GNG12: variants seen among roughly 807,000 people sequenced by gnomAD.
GNG12 encodes the protein guanine nucleotide-binding protein G(I)/G(S)/G(O) subunit gamma-12.
For missense variants in GNG12, 69 were observed against 83.8 expected (o/e 0.82, Z 0.69); for synonymous variants, 28 against 29.7 (o/e 0.94, Z 0.19).
At chr1:67,756,747 G>A (rs908025202) in intron 2 of GNG12, among the ~76,000 whole-genome samples, 4 of 152,296 alleles carry the variant, frequency 2.6e-5, no homozygotes, top group African/African-American at 9.6e-5. Context: ...CTAGTTCAAG[G>A]GGTCATACCT....
In GNG12 at chr1:67,731,118, C is replaced by A. The variant is rs150011916; in HGVS notation, c.-26-23406G>T. On this transcript the variant is annotated intron_variant, in intron 2 of 3. Transcript: ENST00000370982. Reference sequence around the variant, plus strand: ...TTCCTATTTTGTTTTTATTTTTTCCCCCCAGAAAGCCCTCCCCTCTCTGAC... The same window carrying A: ...TTCCTATTTTGTTTTTATTTTTTCCACCCAGAAAGCCCTCCCCTCTCTGAC... 3.6e-3 allele frequency among the ~76,000 whole-genome samples: 552 copies of A among 152,020 alleles called. 1 individual carries two copies. The highest frequency in any genetic ancestry group is 6.3e-3 in the Non-Finnish European group (427 of 68,000).
chr1:67,796,777 C>A (rs1646833676), intron 1 of GNG12, among the ~76,000 whole-genome samples: 3 of 152,082 alleles, frequency 2.0e-5, no homozygotes, highest in South Asian at 4.1e-4. Flanking sequence ...TAAAGTAATA[C>A]TTGAGGCTGG....
chr1:67,823,746 C>T (rs1018218299), intron 1 of GNG12, among the ~76,000 whole-genome samples: 4 of 152,142 alleles, frequency 2.6e-5, no homozygotes, highest in African/African-American at 9.7e-5. Flanking sequence ...TCAATCTTTC[C>T]GGAGGGGTAC....
chr1:67,784,671 G>A (rs944651208), intron 1 of GNG12, among the ~76,000 whole-genome samples: 1 of 152,162 alleles, frequency 6.6e-6, no homozygotes, highest in African/African-American at 2.4e-5. Context: ...TTGTAAGTTT[G>A]AATAAGTTCT....
At chr1:67,751,375 T>C (rs1646538122) in intron 2 of GNG12, among the ~76,000 whole-genome samples, 3 of 152,182 alleles carry the variant, frequency 2.0e-5, no homozygotes, top group Non-Finnish European at 4.4e-5. Flanking sequence ...GGAGAATGTT[T>C]AATGGCACCT....
At chr1:67,795,659 A>G (rs1486133608) in intron 1 of GNG12, among the ~76,000 whole-genome samples, 1 of 152,220 alleles carries the variant, frequency 6.6e-6, no homozygotes, top group Non-Finnish European at 1.5e-5. Context: ...CTCTGGATAC[A>G]AGGTTTATAG....
chr1:67,709,355 G>A (rs896266024), intron 2 of GNG12, among the ~76,000 whole-genome samples: 5 of 152,098 alleles, frequency 3.3e-5, no homozygotes, highest in South Asian at 2.1e-4. Flanking sequence ...GAGCCTCAAG[G>A]GTTTTGATTG....
chr1:67,774,611 G>T (rs1436102829), intron 2 of GNG12, among the ~76,000 whole-genome samples: 3 of 151,980 alleles, frequency 2.0e-5, no homozygotes. Context: ...CCTTCCCTAC[G>T]CTCCATTCTC....
intron 2 of GNG12, among the ~76,000 whole-genome samples, chr1:67,736,766 A>T (rs749109916): frequency 6.6e-6 from 1 of 152,260 alleles, no homozygotes; most frequent in Admixed American, 6.5e-5. Flanking sequence ...ATTAAAACCT[A>T]GGGGAGTGGG....
At chr1:67,817,245 G>A (rs771874848) in intron 1 of GNG12, among the ~76,000 whole-genome samples, 38 of 152,148 alleles carry the variant, frequency 2.5e-4, no homozygotes, top group Non-Finnish European at 4.9e-4. Flanking sequence ...GGAGAGAAGA[G>A]GACAAGAAGG....
intron 1 of GNG12, among the ~76,000 whole-genome samples, chr1:67,807,448 T>A (rs1359047946): frequency 2.0e-5 from 3 of 149,360 alleles, no homozygotes; most frequent in East Asian, 2.0e-4. Context: ...AATAAAAAAA[T>A]TCAAATTAAA....
intron 2 of GNG12, among the ~76,000 whole-genome samples, chr1:67,709,912 TTATATA>T (rs771838180): frequency 1.8e-4 from 9 of 50,300 alleles, no homozygotes; most frequent in African/African-American, 6.7e-4. Context: ...TTTTATATAG[TTATATA>T]TATAGTTATA....
chr1:67,734,600 C>G (rs1646441389), intron 2 of GNG12, among the ~76,000 whole-genome samples: 1 of 152,122 alleles, frequency 6.6e-6, no homozygotes, highest in Non-Finnish European at 1.5e-5. Context: ...CTCCAAAGCC[C>G]TTGTATCTAG....
intron 1 of GNG12, among the ~76,000 whole-genome samples, chr1:67,784,066 C>A (rs1176399753): frequency 6.7e-6 from 1 of 149,800 alleles, no homozygotes; most frequent in African/African-American, 2.5e-5. Flanking sequence ...GGAACCAACC[C>A]AAATGTCCAA....
Position 67,711,895 on chromosome 1 carries a change from C to T in GNG12, c.-26-4183G>A, listed in dbSNP as rs142121420. Among the ~76,000 whole-genome samples, 284 of 152,346 alleles carry T rather than the reference C, an allele frequency of 1.9e-3. 1 individual carries two copies. Among genetic ancestry groups the T allele is most frequent in the African/African-American group, 6.6e-3 (273 of 41,576 alleles). ...AAAGGAAGATAATTTCTGATCATAACATTCTTCCTATGGAGAAAGCAGATC... is the reference window on the plus strand; with the variant it reads ...AAAGGAAGATAATTTCTGATCATAATATTCTTCCTATGGAGAAAGCAGATC... On this transcript the variant is annotated intron_variant, in intron 2 of 3. Transcript: ENST00000370982.
At chr1:67,830,441 C>T (rs1228134121) in intron 1 of GNG12, among the ~76,000 whole-genome samples, 1 of 152,202 alleles carries the variant, frequency 6.6e-6, no homozygotes, top group African/African-American at 2.4e-5. Flanking sequence ...CAGCCTAACA[C>T]TTCTTATGGC....
chr1:67,709,869 T>C (rs1413632300), intron 2 of GNG12, among the ~76,000 whole-genome samples: 2 of 122,238 alleles, frequency 1.6e-5, no homozygotes, highest in East Asian at 2.1e-4. Flanking sequence ...TATATAGTTA[T>C]ATATATATTT....
At chr1:67,757,747 G>A (rs534054670) in intron 2 of GNG12, among the ~76,000 whole-genome samples, 15 of 152,228 alleles carry the variant, frequency 9.9e-5, no homozygotes, top group African/African-American at 3.6e-4. Context: ...AAAAAATCTT[G>A]TATTTACAGG....
chr1:67,718,387 T>C (rs1054079637), intron 2 of GNG12, among the ~76,000 whole-genome samples: 2 of 152,200 alleles, frequency 1.3e-5, no homozygotes, highest in Non-Finnish European at 2.9e-5. Context: ...ATTAATTTTA[T>C]TTAGCCCAAT....
Sources: allele counts gnomAD v4.1 joint callset (sites outside exome capture counted in the v4.1 genomes callset), GRCh38; gene constraint gnomAD v4.1.1; transcripts MANE v1.5; gene names NCBI Gene and HGNC (gene_info 2026-07-23, HGNC 2026-07-21).